Variants in PPM1B observed in about 807,000 individuals in gnomAD.
PPM1B encodes the protein protein phosphatase, Mg2+/Mn2+ dependent 1B, also known as protein phosphatase 1B.
Under a neutral mutation model 43.0 loss-of-function variants are expected in PPM1B, and 22 were observed. The ratio of observed to expected loss-of-function variants is 0.51; its 90% CI spans 0.37 to 0.73. The LOEUF is 0.73. Ranked by LOEUF, PPM1B falls within the 30% of genes least tolerant of loss-of-function variation. The pLI, the probability that PPM1B is intolerant of heterozygous loss-of-function variation, is 0.00. For missense variants in PPM1B, 632 were observed against 584.2 expected, an observed-to-expected ratio of 1.08 and a Z score of -0.84; for synonymous variants, 217 against 197.9, an observed-to-expected ratio of 1.10 and a Z score of -0.81.
In PPM1B at chr2:44,201,214, G is replaced by A; in HGVS notation, c.15G>A (p.Leu5=). 1.3e-6 allele frequency: 2 copies of A among 1,584,552 alleles called. No individual in the cohort carries two copies. The highest frequency in any genetic ancestry group is 2.3e-5 in the East Asian group (1 of 44,396). ...TATTGCTAAACATGGGTGCATTTTT[G>A]GATAAACCCAAAACTGAAAAACATA... MGAF[L]DKPKTEKHNA... is the part of the protein sequence containing the mutation. The change falls in exon 2 of 6, where the codon TTG becomes TTA. Residue 5 remains leucine, a synonymous_variant. Coordinates refer to ENST00000282412, the MANE Select transcript of PPM1B (RefSeq NM_002706.6). The surrounding 1 kb of genome is among the most constrained non-coding windows in gnomAD (Gnocchi z 5.4).
chr2:44,191,494 G>A (rs1251778617), intron 1 of PPM1B, among the ~76,000 whole-genome samples: 3 of 152,162 alleles, frequency 2.0e-5, no homozygotes, highest in Non-Finnish European at 2.9e-5. Flanking sequence ...GATTACAGGC[G>A]TGAGCCACCG....
At chr2:44,235,826 G>A (rs1030373211), downstream of PPM1B, among the ~76,000 whole-genome samples, 3 of 152,100 alleles carry the variant, frequency 2.0e-5, no homozygotes, top group African/African-American at 7.2e-5. Flanking sequence ...TTGAGTTCAG[G>A]AGTTCAAGGC....
rs1196424289 is a variant in PPM1B, at chr2:44,216,601, G to A, written c.965-1366G>A. 2.0e-5 allele frequency among the ~76,000 whole-genome samples: 3 copies of A among 152,162 alleles called. No individual in the cohort carries two copies. The East Asian group carries it at 5.8e-4, about 29-fold the overall frequency. On this transcript the variant is annotated intron_variant, in intron 3 of 5. Transcript: ENST00000282412. ...TTAGGTCAGAGAAGGATTTGAGAAT[G>A]TGACATATAAAATTGAAACCTCAAG...
Position 44,194,351 on chromosome 2 carries a change from C to G in PPM1B, c.-14-6835C>G, listed in dbSNP as rs113153252. ...TGTAAGTAATCTGTGGGTACTTTCT[C>G]TGGGACTAGTGAATTTCCTCAGAGA... is the stretch of plus-strand genomic sequence containing the variant. On this transcript the variant is annotated intron_variant, in intron 1 of 5. Transcript: ENST00000282412. Among the ~76,000 whole-genome samples, 891 of 152,258 alleles carry G rather than the reference C, an allele frequency of 5.9e-3. 8 individuals are homozygous for G. Among genetic ancestry groups the G allele is most frequent in the Middle Eastern group, 0.027 (8 of 294 alleles).
intron 3 of PPM1B, among the ~76,000 whole-genome samples, chr2:44,211,213 T>G (rs752744205): frequency 6.6e-6 from 1 of 152,202 alleles, no homozygotes; most frequent in Non-Finnish European, 1.5e-5. Flanking sequence ...TTTCCCTAAT[T>G]ATCCCAGTAA....
At chr2:44,171,094 T>C (rs1274990747) in intron 1 of PPM1B, among the ~76,000 whole-genome samples, 1 of 152,214 alleles carries the variant, frequency 6.6e-6, no homozygotes, top group Non-Finnish European at 1.5e-5. Flanking sequence ...ACTGTAAGAT[T>C]TCCCCAGTTT....
chr2:44,195,740 A>G (rs537206747), intron 1 of PPM1B, among the ~76,000 whole-genome samples: 60 of 152,224 alleles, frequency 3.9e-4, no homozygotes, highest in African/African-American at 9.9e-4. Context: ...GGTGGGGTCT[A>G]CGTTCCTTTG....
chr2:44,243,341 CAA>C (rs1233991439), intron 5 of PPM1B, among the ~76,000 whole-genome samples: 1 of 152,142 alleles, frequency 6.6e-6, no homozygotes, highest in Admixed American at 6.5e-5. Flanking sequence ...CAGTAAACTA[CAA>C]AGAGCTTTTG....
chr2:44,243,662 G>T (rs1476986153), intron 5 of PPM1B, among the ~76,000 whole-genome samples: 1 of 152,064 alleles, frequency 6.6e-6, no homozygotes, highest in South Asian at 2.1e-4. Context: ...ACATATTCAT[G>T]TATATGCTTG....
Position 44,201,138 on chromosome 2 carries a change from C to A in PPM1B, c.-14-48C>A. 1.3e-6 allele frequency: 2 copies of A among 1,490,234 alleles called. No individual in the cohort carries two copies. 92.3% of individuals were successfully genotyped at this position (1,490,234 alleles called of 1,614,324 possible). On this transcript the variant is annotated intron_variant, in intron 1 of 5. Transcript: ENST00000282412. The surrounding 1 kb of genome is among the most constrained non-coding windows in gnomAD (Gnocchi z 5.4). Reference sequence around the variant, plus strand: ...GACTATAGAGGGAATATTGTACATACATTTTCTGTCAAATTTAAACATTTA... The same window carrying A: ...GACTATAGAGGGAATATTGTACATAAATTTTCTGTCAAATTTAAACATTTA...
chr2:44,176,659 GT>G (rs993400059), intron 1 of PPM1B, among the ~76,000 whole-genome samples: 10 of 152,166 alleles, frequency 6.6e-5, no homozygotes, highest in Admixed American at 3.9e-4. Flanking sequence ...CTCTTCTTCA[GT>G]TTATACAAAC....
downstream of PPM1B, among the ~76,000 whole-genome samples, chr2:44,245,806 T>C (rs1383866425): frequency 2.0e-5 from 3 of 152,166 alleles, no homozygotes; most frequent in Non-Finnish European, 4.4e-5. Flanking sequence ...GTATGAAAAA[T>C]GTTGCAATCC....
intron 1 of PPM1B, among the ~76,000 whole-genome samples, chr2:44,195,966 A>C (rs1355407535): frequency 6.6e-6 from 1 of 152,158 alleles, no homozygotes; most frequent in Non-Finnish European, 1.5e-5. Context: ...AGCATCCCTC[A>C]TCAGCTGCCT....
intron 1 of PPM1B, among the ~76,000 whole-genome samples, chr2:44,183,974 G>A (rs1157770693): frequency 2.6e-5 from 4 of 152,104 alleles, no homozygotes; most frequent in African/African-American, 4.8e-5. Flanking sequence ...TCCTGACCTC[G>A]TGATCCGCCC....
At chr2:44,233,424 C>T, downstream of PPM1B, 1 of 980,776 alleles carries the variant, frequency 1.0e-6, no homozygotes, top group African/African-American at 1.7e-5. Context: ...TTTACAGTAA[C>T]CTTGAATTCT....
chr2:44,198,224 G>A (rs890361387), intron 1 of PPM1B, among the ~76,000 whole-genome samples: 2 of 152,090 alleles, frequency 1.3e-5, no homozygotes, highest in African/African-American at 2.4e-5. Context: ...ACAGTGGCAC[G>A]ATCCCGGCTC....
chr2:44,212,692 T>A (rs971515452), intron 3 of PPM1B, among the ~76,000 whole-genome samples: 1 of 152,140 alleles, frequency 6.6e-6, no homozygotes, highest in African/African-American at 2.4e-5. Context: ...AGGATTTGCT[T>A]ATTAGTTACA....
chr2:44,190,386 T>G (rs773648618), intron 1 of PPM1B, among the ~76,000 whole-genome samples: 3 of 152,130 alleles, frequency 2.0e-5, no homozygotes, highest in Non-Finnish European at 4.4e-5. Flanking sequence ...CTCAAACTCT[T>G]GAAGTCACGT....
At chr2:44,217,679 C>T (rs1572740116) in intron 3 of PPM1B, 1 of 196,800 alleles carries the variant, frequency 5.1e-6, no homozygotes, top group East Asian at 1.2e-4. Context: ...TTTTAACTGT[C>T]CTCTTGTTGG....
Sources: gnomAD v4.1 joint callset for allele counts (sites outside exome capture counted in the v4.1 genomes callset) on GRCh38, gnomAD v4.1.1 for gene constraint, Gnocchi (gnomAD v3.1) non-coding constraint, MANE v1.5 for transcripts, NCBI Gene and HGNC (gene_info 2026-07-23, HGNC 2026-07-21) for gene names.